The following GRM5 variants were observed in gnomAD, a reference collection of about 807,000 sequenced individuals.
The protein encoded by GRM5 is metabotropic glutamate receptor 5.
A neutral mutation model predicts 83.1 loss-of-function variants in GRM5; 19 were observed. The ratio of observed to expected loss-of-function variants is 0.23; its 90% CI spans 0.16 to 0.34. GRM5 has a LOEUF of 0.34. GRM5 is among the 10% of genes least tolerant of loss of function. GRM5 has a pLI of 1.00. For missense variants in GRM5, 1,160 were observed against 1,588.3 expected (o/e 0.73, Z 4.58); for synonymous variants, 675 against 633.6 (o/e 1.07, Z -0.98).
intron 9 of GRM5, among the ~76,000 whole-genome samples, chr11:88,514,300 C>A (rs1453143920): frequency 6.6e-6 from 1 of 152,082 alleles, no homozygotes; most frequent in Non-Finnish European, 1.5e-5. Flanking sequence ...TTATTTGTTT[C>A]ATTAGTTTTT....
At chr11:88,673,033 T>C (rs1052715210) in intron 3 of GRM5, among the ~76,000 whole-genome samples, 7 of 151,958 alleles carry the variant, frequency 4.6e-5, no homozygotes, top group Admixed American at 4.6e-4. Flanking sequence ...TGAATCCACA[T>C]TTTTTTATGT....
At chr11:88,616,563 T>A (rs1591384914) in intron 4 of GRM5, among the ~76,000 whole-genome samples, 1 of 152,046 alleles carries the variant, frequency 6.6e-6, no homozygotes, top group East Asian at 1.9e-4. Context: ...GGTAGGATTC[T>A]GAATATATTT....
chr11:88,848,928 T>C (rs1330903041), intron 3 of GRM5, among the ~76,000 whole-genome samples: 1 of 152,206 alleles, frequency 6.6e-6, no homozygotes, highest in Non-Finnish European at 1.5e-5. Flanking sequence ...GTTTTTTGCC[T>C]GATAGCATGA....
intron 2 of GRM5, among the ~76,000 whole-genome samples, chr11:88,891,488 G>C (rs1945143451): frequency 6.6e-6 from 1 of 151,704 alleles, no homozygotes; most frequent in Non-Finnish European, 1.5e-5. Context: ...AGGTGAACAG[G>C]ATTATTTGAC....
At chr11:88,834,316 G>A (rs1243641544) in intron 3 of GRM5, among the ~76,000 whole-genome samples, 2 of 152,020 alleles carry the variant, frequency 1.3e-5, no homozygotes, top group African/African-American at 4.8e-5. Flanking sequence ...TTTTTTTAAA[G>A]TAAAATTAAG....
chr11:88,997,044 G>C (rs59145738), intron 2 of GRM5, among the ~76,000 whole-genome samples: 14,798 of 152,192 alleles, frequency 0.097, 2,311 homozygotes, highest in African/African-American at 0.33. Flanking sequence ...AAAATCTCTG[G>C]ATGGGTGCAG....
At chr11:88,948,763 A>T (rs1445484487) in intron 2 of GRM5, among the ~76,000 whole-genome samples, 3 of 152,242 alleles carry the variant, frequency 2.0e-5, no homozygotes, top group East Asian at 3.8e-4. Flanking sequence ...TGCAAATATT[A>T]GTTTCCAAAG....
chr11:88,842,233 TTGTG>T lies in GRM5; in HGVS notation c.911+7669_911+7672del, dbSNP rs1029326354. Among the ~76,000 whole-genome samples, 63 of 152,254 alleles carry T rather than the reference TTGTG, an allele frequency of 4.1e-4. 1 individual carries two copies. The highest frequency in any genetic ancestry group is 3.8e-3 in the Admixed American group (58 of 15,284). On this transcript the variant is annotated intron_variant, in intron 3 of 9. Transcript: ENST00000305447. ...AAAAAATATTCCTAGTCAACATGGT[TTGTG>T]TGTGAGTTTGTCCAAATTATTGCAA...
At chr11:88,530,925 G>T (rs899861296) in intron 8 of GRM5, among the ~76,000 whole-genome samples, 1 of 151,998 alleles carries the variant, frequency 6.6e-6, no homozygotes, top group African/African-American at 2.4e-5. Flanking sequence ...TTAGAACTGG[G>T]GGGAAGAAAG....
At chr11:88,992,799 T>G (rs190164581) in intron 2 of GRM5, among the ~76,000 whole-genome samples, 5 of 142,754 alleles carry the variant, frequency 3.5e-5, no homozygotes, top group African/African-American at 1.3e-4. Context: ...TTCTCACTCA[T>G]AGGTGTGGAT....
chr11:88,892,156 C>CTTTT (rs34754677), intron 2 of GRM5, among the ~76,000 whole-genome samples: 77 of 140,918 alleles, frequency 5.5e-4, no homozygotes, highest in African/African-American at 2.0e-3. Flanking sequence ...CACAAGAAGT[C>CTTTT]TTTTTTTTTT....
At chr11:88,768,031 G>C (rs1433341853) in intron 3 of GRM5, among the ~76,000 whole-genome samples, 1 of 151,910 alleles carries the variant, frequency 6.6e-6, no homozygotes, top group Non-Finnish European at 1.5e-5. Context: ...CAAACAGTAT[G>C]ATGGGTCCTT....
intron 2 of GRM5, among the ~76,000 whole-genome samples, chr11:88,956,849 T>G (rs1429114998): frequency 1.3e-5 from 2 of 152,174 alleles, no homozygotes; most frequent in African/African-American, 4.8e-5. Context: ...TAACTTCTAT[T>G]TTGTTCTCAG....
At chr11:88,912,797 T>C (rs571873071) in intron 2 of GRM5, among the ~76,000 whole-genome samples, 1 of 152,306 alleles carries the variant, frequency 6.6e-6, no homozygotes, top group Admixed American at 6.5e-5. Flanking sequence ...CTTGATAAAA[T>C]TCCATTCCTT....
rs556821849 is a variant in GRM5, at chr11:89,023,292, T to C, written c.661+23920A>G. Among the ~76,000 whole-genome samples, 3 of 152,214 alleles carry C rather than the reference T, an allele frequency of 2.0e-5. No individual in the cohort carries two copies. In the East Asian group the frequency reaches 5.8e-4, roughly 29 times the overall value. On this transcript the variant is annotated intron_variant, in intron 2 of 9. Transcript: ENST00000305447. ...TTTCTTTTGTCTCTGCTTTCCATCTTACACAACATGACCCCCAAACACTCT... is the reference window on the plus strand; with the variant it reads ...TTTCTTTTGTCTCTGCTTTCCATCTCACACAACATGACCCCCAAACACTCT...
At chr11:88,800,463 G>A (rs1398007306) in intron 3 of GRM5, among the ~76,000 whole-genome samples, 1 of 151,418 alleles carries the variant, frequency 6.6e-6, no homozygotes, top group African/African-American at 2.4e-5. Flanking sequence ...CAAAATTTTT[G>A]CTTATCTATT....
intron 2 of GRM5, among the ~76,000 whole-genome samples, chr11:88,928,947 C>G (rs1451977085): frequency 1.3e-5 from 2 of 151,072 alleles, no homozygotes; most frequent in East Asian, 3.9e-4. Flanking sequence ...CACACACACT[C>G]AAGAGTTTAT....
chr11:88,617,987 G>A (rs1418676903), intron 4 of GRM5, among the ~76,000 whole-genome samples: 3 of 152,140 alleles, frequency 2.0e-5, no homozygotes, highest in Non-Finnish European at 4.4e-5. Context: ...CCCCTAAGTT[G>A]TACAGGCATT....
chr11:88,737,943 A>G (rs1941953719), intron 3 of GRM5, among the ~76,000 whole-genome samples: 1 of 152,084 alleles, frequency 6.6e-6, no homozygotes, highest in African/African-American at 2.4e-5. Flanking sequence ...CAACAAGTAT[A>G]CAATTCATGA....
Sources: gnomAD v4.1 joint callset for allele counts (sites outside exome capture counted in the v4.1 genomes callset) on GRCh38, gnomAD v4.1.1 for gene constraint, MANE v1.5 for transcripts, NCBI Gene and HGNC (gene_info 2026-07-23, HGNC 2026-07-21) for gene names.